COBL: variants seen among roughly 807,000 people sequenced by gnomAD.
COBL encodes protein cordon-bleu.
A neutral mutation model predicts 98.8 loss-of-function variants in COBL; 51 were observed. The observed-to-expected ratio is 0.52, with a 90% CI of 0.41 to 0.65. COBL has a LOEUF of 0.65. Ranked by LOEUF, COBL falls within the 30% of genes least tolerant of loss-of-function variation. The pLI, the probability that COBL is intolerant of heterozygous loss-of-function variation, is 0.00. For missense variants in COBL, 1,617 were observed against 1,617.5 expected, an observed-to-expected ratio of 1.00 and a Z score of 0.01; for synonymous variants, 634 against 651.7, an observed-to-expected ratio of 0.97 and a Z score of 0.41.
At chr7:51,249,129 T>C (rs1178344046) in intron 1 of COBL, among the ~76,000 whole-genome samples, 1 of 152,200 alleles carries the variant, frequency 6.6e-6, no homozygotes, top group African/African-American at 2.4e-5. Flanking sequence ...CTCTTGTCTC[T>C]CAGAACTCCT....
intron 8 of COBL, among the ~76,000 whole-genome samples, chr7:51,041,478 CTTTTTTTT>C (rs773830122): frequency 1.2e-5 from 1 of 80,024 alleles, no homozygotes. Context: ...TATTTCTTTC[CTTTTTTTT>C]TTTTTTTTTT....
intron 12 of COBL, among the ~76,000 whole-genome samples, chr7:51,018,795 G>A (rs982380785): frequency 2.0e-5 from 3 of 149,864 alleles, no homozygotes; most frequent in African/African-American, 7.4e-5. Context: ...AGAAGGCTGA[G>A]GCAAGAGAAT....
intron 7 of COBL, among the ~76,000 whole-genome samples, chr7:51,082,883 G>A (rs1739421289): frequency 1.3e-5 from 2 of 152,220 alleles, no homozygotes; most frequent in African/African-American, 2.4e-5. Context: ...ATTCTCCAGA[G>A]TGTGTTCTCT....
intron 2 of COBL, among the ~76,000 whole-genome samples, chr7:51,219,322 T>C (rs745694384): frequency 2.6e-5 from 4 of 152,198 alleles, no homozygotes; most frequent in Non-Finnish European, 4.4e-5. Context: ...CCTCCACATA[T>C]TGCTGCAAGT....
chr7:51,233,677 G>A (rs186295072), intron 1 of COBL, among the ~76,000 whole-genome samples: 6 of 152,272 alleles, frequency 3.9e-5, no homozygotes, highest in Non-Finnish European at 5.9e-5. Flanking sequence ...GGAACTCAAC[G>A]GACTGTGAGA....
At chr7:51,272,514 C>T (rs1299860836) in intron 1 of COBL, among the ~76,000 whole-genome samples, 1 of 151,982 alleles carries the variant, frequency 6.6e-6, no homozygotes, top group Non-Finnish European at 1.5e-5. Context: ...CCATCATGGG[C>T]GACGCAAGAA....
chr7:51,300,347 G>A (rs562579485), intron 1 of COBL, among the ~76,000 whole-genome samples: 1 of 152,188 alleles, frequency 6.6e-6, no homozygotes, highest in South Asian at 2.1e-4. Context: ...TTTTAGTAGC[G>A]ATGGGGTTTC....
rs558683124 is a variant in COBL at position 51,274,699 on chromosome 7, A to C, written c.41+41894T>G. On this transcript the variant is annotated intron_variant, in intron 1 of 12. Transcript: ENST00000265136. Reference sequence around the variant, plus strand: ...CCTATTTGTGCAGTGGAGGATTTTCATTCAATAAATGACTTTCATATGAAA... The same window carrying C: ...CCTATTTGTGCAGTGGAGGATTTTCCTTCAATAAATGACTTTCATATGAAA... Among the ~76,000 whole-genome samples the C allele has an allele frequency of 2.6e-5, 4 of 152,346 alleles. No homozygotes were observed. The South Asian group carries it at 8.3e-4, about 32-fold the overall frequency.
intron 5 of COBL, among the ~76,000 whole-genome samples, chr7:51,172,929 C>T (rs548822044): frequency 2.6e-5 from 4 of 152,042 alleles, no homozygotes; most frequent in African/African-American, 9.6e-5. Context: ...GCTGGGATTA[C>T]AAGTGTGTAT....
At chr7:51,266,880 T>C (rs7782986) in intron 1 of COBL, among the ~76,000 whole-genome samples, 28,122 of 152,116 alleles carry the variant, frequency 0.18, 3,320 homozygotes, top group Middle Eastern at 0.32. Context: ...CAAGGCAAAT[T>C]TGCAAAATGA....
intron 1 of COBL, among the ~76,000 whole-genome samples, chr7:51,258,079 A>C (rs1797363128): frequency 6.6e-6 from 1 of 152,248 alleles, no homozygotes; most frequent in Admixed American, 6.5e-5. Flanking sequence ...CTCTTTTCAA[A>C]ATATACTTTT....
chr7:51,127,382 T>C (rs1798313107), intron 6 of COBL, among the ~76,000 whole-genome samples: 1 of 152,210 alleles, frequency 6.6e-6, no homozygotes, highest in Non-Finnish European at 1.5e-5. Context: ...GCATGACTTA[T>C]GACTTTGGAA....
chr7:51,295,875 G>A (rs1801379734), intron 1 of COBL, among the ~76,000 whole-genome samples: 1 of 152,156 alleles, frequency 6.6e-6, no homozygotes, highest in South Asian at 2.1e-4. Flanking sequence ...AACCCTCACT[G>A]AGTAATCCCT....
intron 1 of COBL, among the ~76,000 whole-genome samples, chr7:51,293,438 C>T (rs1267628236): frequency 6.6e-6 from 1 of 152,108 alleles, no homozygotes. Context: ...ACAATAGAGA[C>T]ACCATGAAAT....
intron 1 of COBL, among the ~76,000 whole-genome samples, chr7:51,298,353 C>T (rs1201316600): frequency 6.6e-6 from 1 of 152,250 alleles, no homozygotes; most frequent in African/African-American, 2.4e-5. Flanking sequence ...GTAACTACTA[C>T]ACCTACAGAC....
At chr7:51,159,707 C>T (rs1786586311) in intron 5 of COBL, among the ~76,000 whole-genome samples, 1 of 151,906 alleles carries the variant, frequency 6.6e-6, no homozygotes, top group Admixed American at 6.5e-5. Flanking sequence ...ATTTTTTTCC[C>T]TCCGAGAACT....
chr7:51,315,920 G>A (rs755086884), intron 1 of COBL, among the ~76,000 whole-genome samples: 3 of 151,950 alleles, frequency 2.0e-5, no homozygotes, highest in Non-Finnish European at 4.4e-5. Flanking sequence ...CAGACTCGCG[G>A]GTCCGCTACG....
chr7:51,111,047 A>G (rs1411376899), intron 6 of COBL, among the ~76,000 whole-genome samples: 1 of 152,222 alleles, frequency 6.6e-6, no homozygotes, highest in Non-Finnish European at 1.5e-5. Context: ...CTCTGGGTAG[A>G]TGCCCAGTAG....
At chr7:51,199,237 A>C (rs1216403367) in intron 2 of COBL, among the ~76,000 whole-genome samples, 1 of 152,200 alleles carries the variant, frequency 6.6e-6, no homozygotes, top group Admixed American at 6.5e-5. Context: ...TCCCAACTGC[A>C]GACCCTGAAA....
Sources: gnomAD v4.1 joint callset for allele counts (sites outside exome capture counted in the v4.1 genomes callset) on GRCh38, gnomAD v4.1.1 for gene constraint, MANE v1.5 for transcripts, NCBI Gene and HGNC (gene_info 2026-07-23, HGNC 2026-07-21) for gene names.